The following LNPK variants were observed in gnomAD, a reference collection of about 807,000 sequenced individuals.
LNPK encodes the protein endoplasmic reticulum junction formation protein lunapark.
A neutral mutation model predicts 55.2 loss-of-function variants in LNPK; 29 were observed. The observed-to-expected ratio is 0.53, with a 90% confidence interval of 0.39 to 0.72. The LOEUF is 0.72. Ranked by LOEUF, LNPK falls within the 30% of genes least tolerant of loss-of-function variation. The probability of loss-of-function intolerance (pLI) is 0.00; values close to 1 mark genes in which losing one functional copy is unlikely to be tolerated. For missense variants in LNPK, 467 were observed against 494.8 expected (o/e 0.94, Z 0.53); for synonymous variants, 162 against 168.2 (o/e 0.96, Z 0.29).
intron 12 of LNPK, among the ~76,000 whole-genome samples, chr2:175,933,837 T>G (rs914355247): frequency 1.3e-5 from 2 of 149,140 alleles, no homozygotes; most frequent in African/African-American, 5.0e-5. Context: ...ATTCAGGTGA[T>G]TCTCCTGCCT....
intron 8 of LNPK, among the ~76,000 whole-genome samples, chr2:175,960,366 A>C (rs1210531030): frequency 3.3e-5 from 5 of 152,210 alleles, no homozygotes; most frequent in Non-Finnish European, 7.3e-5. Flanking sequence ...TGTCTCTCAG[A>C]CCAGGGTGCA....
At position 175,926,750 on chromosome 2, in the gene LNPK, T is replaced by C. The variant is rs116188065; in HGVS notation, c.*3217A>G. The C allele has an allele frequency of 1.3e-5, 2 of 152,310 alleles. No homozygotes were observed. The highest frequency in any genetic ancestry group is 2.4e-5 in the African/African-American group (1 of 41,566). The allele number at this position is 152,310 out of a possible 1,614,324, so 9.4% of individuals were successfully genotyped here. A position where few individuals can be genotyped will look rare whatever the true frequency, so the allele number is the denominator to read the frequency against. On this transcript the variant is annotated 3_prime_UTR_variant, in exon 13 of 13. Coordinates refer to ENST00000272748, the MANE Select transcript of LNPK (RefSeq NM_030650.3). ...GAGAAATGAGAATATAACTAGAAGA[T>C]GTTTAGGAGACAAAAATTGACAGCT...
intron 8 of LNPK, among the ~76,000 whole-genome samples, chr2:175,963,708 A>T (rs746165637): frequency 8.6e-5 from 13 of 151,978 alleles, no homozygotes; most frequent in East Asian, 5.8e-4. Context: ...TATAATAAAT[A>T]AATTAATTAA....
chr2:175,962,152 C>G (rs1429482458), intron 8 of LNPK, among the ~76,000 whole-genome samples: 1 of 152,122 alleles, frequency 6.6e-6, no homozygotes, highest in African/African-American at 2.4e-5. Flanking sequence ...AGATTCAATG[C>G]CATCCCCATC....
intron 8 of LNPK, among the ~76,000 whole-genome samples, chr2:175,949,766 G>A (rs1685312073): frequency 6.6e-6 from 1 of 151,946 alleles, no homozygotes; most frequent in South Asian, 2.1e-4. Flanking sequence ...AGTTACAAAA[G>A]GGAGAAAATG....
Position 175,992,423 on chromosome 2 carries a change from TAA to T in LNPK, c.70-7_70-6del. ...TTCTTCCAATGCTTGAATTTCCTGTTAAGAGAAAATTATTCCATGTTAGTAAA... is the reference window on the plus strand; with the variant it reads ...TTCTTCCAATGCTTGAATTTCCTGTTGAGAAAATTATTCCATGTTAGTAAA... On this transcript the variant is annotated splice_polypyrimidine_tract_variant and splice_region_variant and intron_variant, in intron 3 of 12. Transcript: ENST00000272748. 1 of 1,468,920 alleles carries T rather than the reference TAA, an allele frequency of 6.8e-7. No individual in the cohort carries two copies. Among genetic ancestry groups the T allele is most frequent in the Middle Eastern group, 2.4e-4 (1 of 4,196 alleles). 91.0% of individuals were successfully genotyped at this position (1,468,920 alleles called of 1,614,324 possible). A position where few individuals can be genotyped will look rare whatever the true frequency, so the allele number is the denominator to read the frequency against.
chr2:175,938,511 G>A, intron 10 of LNPK, 128 bp from the exon 11 acceptor site: 1 of 468,684 alleles, frequency 2.1e-6, no homozygotes, highest in Admixed American at 3.4e-5. Context: ...AATTATATGA[G>A]ACTTAGTAAA....
Position 175,964,555 on chromosome 2 carries a change from G to C in LNPK, c.392C>G (p.Thr131Arg), listed in dbSNP as rs760167909. ...AAACCTTTCAAGAATTAATTTAGCC[G>C]TCTTGTAAGTTTCTTTTTCCATGAC... The part of the protein sequence containing the change: ...EEVMEKETYK[T>R]AKLILERFDP... Residue 131 changes from threonine (T) to arginine (R), a missense_variant, in exon 7 of 13, where the codon ACG becomes AGG. Thr to Arg is a moderately conservative substitution (Grantham distance 71). Transcript: ENST00000272748. The C allele has an allele frequency of 1.2e-6, 2 of 1,609,920 alleles. No individual in the cohort carries two copies. The highest frequency in any genetic ancestry group is 1.7e-6 in the Non-Finnish European group (2 of 1,177,278).
At chr2:175,950,744 C>T (rs1685355796) in intron 8 of LNPK, among the ~76,000 whole-genome samples, 1 of 152,036 alleles carries the variant, frequency 6.6e-6, no homozygotes, top group Non-Finnish European at 1.5e-5. Flanking sequence ...AATGCGAATA[C>T]TTACCTCTTA....
intron 8 of LNPK, among the ~76,000 whole-genome samples, chr2:175,954,132 T>C (rs962328088): frequency 6.6e-6 from 1 of 152,210 alleles, no homozygotes; most frequent in Admixed American, 6.5e-5. Context: ...TTTTGGTCCT[T>C]ACCATACCGT....
chr2:175,985,149 T>G (rs1238870666), intron 4 of LNPK, among the ~76,000 whole-genome samples: 5 of 152,096 alleles, frequency 3.3e-5, no homozygotes, highest in Non-Finnish European at 5.9e-5. Flanking sequence ...AAATAACAAA[T>G]TTGTGGAGAC....
chr2:175,997,705 CTGTGTGTGTG>C (rs35147185), intron 1 of LNPK, among the ~76,000 whole-genome samples: 2,444 of 144,120 alleles, frequency 0.017, 64 homozygotes, highest in African/African-American at 0.058. Context: ...AACAAATGCT[CTGTGTGTGTG>C]TGTGTGTGTG....
intron 4 of LNPK, among the ~76,000 whole-genome samples, chr2:175,983,058 T>C (rs1371982292): frequency 2.0e-5 from 3 of 152,090 alleles, no homozygotes; most frequent in Admixed American, 6.6e-5. Context: ...CTCCAAAAAG[T>C]GGAAGCAAAA....
chr2:175,986,236 G>C (rs1687404423), intron 4 of LNPK, among the ~76,000 whole-genome samples: 1 of 151,926 alleles, frequency 6.6e-6, no homozygotes, highest in African/African-American at 2.4e-5. Context: ...AAATGTTCAT[G>C]AAACACTTAA....
At chr2:175,998,288 A>G (rs113611464) in intron 1 of LNPK, among the ~76,000 whole-genome samples, 252 of 152,148 alleles carry the variant, frequency 1.7e-3, no homozygotes, top group African/African-American at 5.8e-3. Flanking sequence ...CTAAAAAACT[A>G]TAAAAATTAG....
chr2:175,968,966 CGA>C (rs1686516646), intron 6 of LNPK, among the ~76,000 whole-genome samples: 1 of 151,416 alleles, frequency 6.6e-6, no homozygotes. Flanking sequence ...CGCAGTGACC[CGA>C]GATTGCACCA....
At chr2:175,948,484 A>G (rs150922716) in intron 8 of LNPK, among the ~76,000 whole-genome samples, 84 of 152,296 alleles carry the variant, frequency 5.5e-4, no homozygotes, top group African/African-American at 1.9e-3. Flanking sequence ...CCATTTAACT[A>G]TATTTACTAT....
intron 8 of LNPK, among the ~76,000 whole-genome samples, chr2:175,961,622 A>T (rs1195505883): frequency 6.6e-6 from 1 of 152,220 alleles, no homozygotes; most frequent in Non-Finnish European, 1.5e-5. Flanking sequence ...AACTGGAAGC[A>T]TTCCCTTTGA....
chr2:175,989,022 G>A (rs894850815), intron 4 of LNPK, among the ~76,000 whole-genome samples: 21 of 152,252 alleles, frequency 1.4e-4, no homozygotes, highest in Admixed American at 1.2e-3. Flanking sequence ...TGATCCGCCC[G>A]CCTGGGCCTC....
Sources: allele counts gnomAD v4.1 joint callset (sites outside exome capture counted in the v4.1 genomes callset), GRCh38; gene constraint gnomAD v4.1.1; transcripts MANE v1.5; gene names NCBI Gene and HGNC (gene_info 2026-07-23, HGNC 2026-07-21).